ANKRD36: variants seen among roughly 807,000 people sequenced by gnomAD.
ANKRD36 encodes ankyrin repeat domain-containing protein 36A.
ANKRD36 carries 179 observed loss-of-function variants against 278.1 expected under a neutral mutation model. That is an observed-to-expected ratio of 0.64 (90% CI 0.57 to 0.73). ANKRD36 has a LOEUF of 0.73. ANKRD36 is among the 30% of genes least tolerant of loss of function. The pLI, the probability that ANKRD36 is intolerant of heterozygous loss-of-function variation, is 0.00. For synonymous variants in ANKRD36, 320 were observed against 641.1 expected (o/e 0.50, Z 7.57); for missense variants, 1,159 against 1,956.7 (o/e 0.59, Z 7.69).
intron 6 of ANKRD36, among the ~76,000 whole-genome samples, chr2:97,136,046 CTCA>C (rs2041408840): frequency 6.6e-6 from 1 of 151,604 alleles, no homozygotes; most frequent in African/African-American, 2.4e-5. Context: ...CAGGGTGGGG[CTCA>C]TCATCATAGT....
chr2:97,134,883 A>G (rs552527584), intron 6 of ANKRD36, among the ~76,000 whole-genome samples: 2 of 152,026 alleles, frequency 1.3e-5, no homozygotes, highest in Non-Finnish European at 1.5e-5. Flanking sequence ...CTTTTAAGGG[A>G]GTGATATTTT....
chr2:97,150,988 C>T (rs1163264817), intron 12 of ANKRD36, among the ~76,000 whole-genome samples: 2 of 151,924 alleles, frequency 1.3e-5, no homozygotes, highest in African/African-American at 2.4e-5. Flanking sequence ...AAATGAAACT[C>T]TTTATTACAT....
chr2:97,224,521 C>T (rs1396631994), intron 66 of ANKRD36, among the ~76,000 whole-genome samples: 1 of 151,328 alleles, frequency 6.6e-6, no homozygotes, highest in African/African-American at 2.4e-5. Context: ...AGATCTTCAG[C>T]TCACTGCAAG....
intron 6 of ANKRD36, among the ~76,000 whole-genome samples, chr2:97,127,452 A>G (rs1309035096): frequency 6.6e-6 from 1 of 151,958 alleles, no homozygotes; most frequent in Non-Finnish European, 1.5e-5. Context: ...AATGAATTAG[A>G]CTTTTTATAT....
chr2:97,224,456 T>G (rs563251466), intron 66 of ANKRD36, among the ~76,000 whole-genome samples: 1,629 of 150,928 alleles, frequency 0.011, 14 homozygotes, highest in Middle Eastern at 0.021. Context: ...TTTTTTGTTT[T>G]TTTTTTTTTG....
intron 32 of ANKRD36, among the ~76,000 whole-genome samples, chr2:97,187,763 C>A (rs1398794701): frequency 3.3e-5 from 5 of 151,774 alleles, no homozygotes; most frequent in Admixed American, 3.3e-4. Flanking sequence ...ACAGACGTCA[C>A]ATAGTACTGC....
At chr2:97,193,771 T>C (rs1468224341) in intron 38 of ANKRD36, among the ~76,000 whole-genome samples, 1 of 151,636 alleles carries the variant, frequency 6.6e-6, no homozygotes, top group African/African-American at 2.4e-5. Flanking sequence ...TCAGATAATC[T>C]TGAATGTGAA....
chr2:97,194,616 G>A (rs546043390), intron 38 of ANKRD36, 110 bp from the exon 39 acceptor site: 63 of 1,097,610 alleles, frequency 5.7e-5, no homozygotes, highest in South Asian at 4.6e-4. Context: ...CCATCAAAGC[G>A]TACACTAATA....
At chr2:97,180,018 A>G (rs754176454) in intron 24 of ANKRD36, 85 bp downstream of exon 24, 83 of 1,579,072 alleles carry the variant, frequency 5.3e-5, no homozygotes, top group Non-Finnish European at 5.8e-5. Flanking sequence ...TGGGGAGTCC[A>G]TCTAAGCTGC....
Position 97,113,737 on chromosome 2 carries a change from A to T in ANKRD36, c.-3A>T. ...TGCAGGCTACAATTTGCAGCCGACG[A>T]TTATGGAAGACGGCAAGCGGGAGAG... On this transcript the variant is annotated 5_prime_UTR_variant, in exon 1 of 76. Transcript: ENST00000420699. 3.7e-6 allele frequency: 6 copies of T among 1,610,650 alleles called. No homozygotes were observed. Among genetic ancestry groups the T allele is most frequent in the Non-Finnish European group, 5.1e-6 (6 of 1,179,236 alleles).
rs144429067 is a variant in ANKRD36 at position 97,155,837 on chromosome 2, G to T, written c.1260+1096G>T. On this transcript the variant is annotated intron_variant, in intron 15 of 75. Transcript: ENST00000420699. ...TCTTAAGCACCCAGAATAATGTCTT[G>T]CATGTAAGAAATATTTTATTAGTTT... Among the ~76,000 whole-genome samples, 218 of 146,448 alleles carry T rather than the reference G, an allele frequency of 1.5e-3. 7 individuals carry two copies. Among genetic ancestry groups the T allele is most frequent in the African/African-American group, 5.0e-3 (205 of 41,262 alleles).
At chr2:97,170,370 G>A (rs2052078228) in intron 22 of ANKRD36, among the ~76,000 whole-genome samples, 3 of 151,836 alleles carry the variant, frequency 2.0e-5, no homozygotes, top group Admixed American at 2.0e-4. Context: ...TAGATCAATG[G>A]AACAGAACAG....
intron 75 of ANKRD36, chr2:97,252,484 T>TA (rs2153698809): frequency 1.2e-5 from 1 of 84,886 alleles, no homozygotes; most frequent in East Asian, 7.0e-4. Flanking sequence ...TTTTTTATTA[T>TA]TTTTTTTTTG....
intron 22 of ANKRD36, among the ~76,000 whole-genome samples, chr2:97,169,500 T>A (rs1179618039): frequency 6.6e-6 from 1 of 152,304 alleles, no homozygotes; most frequent in Non-Finnish European, 1.5e-5. Flanking sequence ...AGTCAAATTG[T>A]CTCTGCAGAT....
intron 22 of ANKRD36, among the ~76,000 whole-genome samples, chr2:97,178,801 G>A (rs957370646): frequency 3.7e-4 from 33 of 90,006 alleles, no homozygotes; most frequent in Non-Finnish European, 6.7e-4. Context: ...CACAATGTGC[G>A]CATGTACCCT....
intron 13 of ANKRD36, 105 bp from the exon 14 acceptor site, chr2:97,152,399 G>A (rs1254450974): frequency 1.0e-6 from 1 of 987,562 alleles, no homozygotes; most frequent in Non-Finnish European, 1.5e-6. Context: ...TCAGCCTTCT[G>A]AGTAGCTGGG....
In ANKRD36 at chr2:97,199,887, G is replaced by T. The variant is rs150655341; in HGVS notation, c.2756-447G>T. Among the ~76,000 whole-genome samples, 1,013 of 151,990 alleles carry T rather than the reference G, an allele frequency of 6.7e-3. 54 individuals are homozygous for T. The East Asian group carries it at 0.11, about 16-fold the overall frequency. On this transcript the variant is annotated intron_variant, in intron 44 of 75. Coordinates refer to ENST00000420699, the MANE Select transcript of ANKRD36 (RefSeq NM_001354587.1). ...GTCATCGTAATTGTGTGCCTTCTCA[G>T]TTATTGGGCAAGTTAAAGAGCATGA...
intron 26 of ANKRD36, among the ~76,000 whole-genome samples, chr2:97,183,127 T>C (rs2056645420): frequency 6.6e-6 from 1 of 151,854 alleles, no homozygotes; most frequent in African/African-American, 2.4e-5. Flanking sequence ...CATTGATTCC[T>C]GGGTGTATGA....
At chr2:97,262,962 A>G (rs1430241309) in intron 75 of ANKRD36, among the ~76,000 whole-genome samples, 1 of 144,836 alleles carries the variant, frequency 6.9e-6, no homozygotes, top group African/African-American at 2.4e-5. Flanking sequence ...AGTCTCAGCT[A>G]ATTTTTTATA....
Sources: allele counts gnomAD v4.1 joint callset (sites outside exome capture counted in the v4.1 genomes callset), GRCh38; gene constraint gnomAD v4.1.1; transcripts MANE v1.5; gene names NCBI Gene and HGNC (gene_info 2026-07-23, HGNC 2026-07-21).